Variants in FNBP4 observed in about 807,000 individuals in gnomAD.
The protein encoded by FNBP4 is formin-binding protein 4.
FNBP4 carries 34 observed loss-of-function variants against 119.3 expected under a neutral mutation model. That is an observed-to-expected ratio of 0.28 (90% CI 0.22 to 0.38). FNBP4 has a LOEUF of 0.38. Among genes scored for constraint, FNBP4 ranks in the 10% least tolerant of loss-of-function variants. The pLI is 1.00. For synonymous variants in FNBP4, 462 were observed against 430.6 expected (o/e 1.07, Z -0.90); for missense variants, 1,112 against 1,228.9 (o/e 0.90, Z 1.42).
At chr11:47,718,944 C>T (rs944372169) in intron 16 of FNBP4, among the ~76,000 whole-genome samples, 3 of 133,222 alleles carry the variant, frequency 2.3e-5, no homozygotes, top group Non-Finnish European at 4.6e-5. Context: ...CTTGCTCTGT[C>T]GTCCAGGCTG....
chr11:47,728,027 C>T (rs1281605807), intron 12 of FNBP4, among the ~76,000 whole-genome samples: 4 of 151,546 alleles, frequency 2.6e-5, no homozygotes, highest in Admixed American at 6.6e-5. Flanking sequence ...TACAGGCATG[C>T]GACCACGCCT....
chr11:47,764,818 G>A (rs1368281599), intron 2 of FNBP4, among the ~76,000 whole-genome samples: 1 of 152,156 alleles, frequency 6.6e-6, no homozygotes, highest in East Asian at 1.9e-4. Context: ...GTGAATGCCA[G>A]AGTGATGAAT....
intron 8 of FNBP4, 163 bp downstream of exon 8, chr11:47,743,790 T>G (rs2097585565): frequency 1.5e-6 from 1 of 649,008 alleles, no homozygotes; most frequent in South Asian, 2.0e-5. Flanking sequence ...TAGAAAAAGA[T>G]CTGGAAAAGG....
intron 7 of FNBP4, among the ~76,000 whole-genome samples, chr11:47,745,321 A>G (rs746609956): frequency 2.6e-5 from 4 of 152,166 alleles, no homozygotes; most frequent in African/African-American, 4.8e-5. Context: ...ATATCGCTAA[A>G]TTCTTTTCCT....
chr11:47,749,295 G>A (rs1349444421), intron 6 of FNBP4, among the ~76,000 whole-genome samples: 2 of 118,234 alleles, frequency 1.7e-5, no homozygotes, highest in Non-Finnish European at 3.5e-5. Flanking sequence ...AAAAAGGAAA[G>A]GTGCGGTGGC....
At position 47,722,873 on chromosome 11, in the gene FNBP4, A is replaced by C. The variant is rs1047783703; in HGVS notation, c.2805+103T>G. On this transcript the variant is annotated intron_variant, in intron 15 of 16. Coordinates refer to ENST00000263773, the MANE Select transcript of FNBP4 (RefSeq NM_015308.5). ...CCCAAAGTGCTGGGATTACAGGCTT[A>C]AGCCACAGTGCCCAGCCTGAAAATG... 10 of 1,316,132 alleles carry C rather than the reference A, an allele frequency of 7.6e-6. No individual in the cohort carries two copies. The Admixed American group carries it at 2.5e-4, about 33-fold the overall frequency. 81.5% of individuals were successfully genotyped at this position (1,316,132 alleles called of 1,614,324 possible).
At chr11:47,741,491 C>T (rs918720793) in intron 8 of FNBP4, among the ~76,000 whole-genome samples, 2 of 151,734 alleles carry the variant, frequency 1.3e-5, no homozygotes, top group Admixed American at 6.6e-5. Context: ...GGTATGTTCA[C>T]TTTGTCACTG....
chr11:47,721,792 T>C (rs1599156163), intron 15 of FNBP4, among the ~76,000 whole-genome samples: 1 of 151,870 alleles, frequency 6.6e-6, no homozygotes, highest in East Asian at 1.9e-4. Context: ...AATCAGGTCA[T>C]ATAAATTTCC....
chr11:47,756,754 C>T (rs1233142269), intron 2 of FNBP4, among the ~76,000 whole-genome samples: 1 of 149,098 alleles, frequency 6.7e-6, no homozygotes, highest in Non-Finnish European at 1.5e-5. Flanking sequence ...TCCAAATGTT[C>T]TCATTGTTCA....
At chr11:47,741,957 A>G (rs6485773) in intron 8 of FNBP4, among the ~76,000 whole-genome samples, 52,486 of 151,956 alleles carry the variant, frequency 0.35, 10,504 homozygotes, top group South Asian at 0.52. Context: ...TTAAATGTCC[A>G]TCAACAGTGG....
chr11:47,759,549 C>T (rs1199550027), intron 2 of FNBP4, among the ~76,000 whole-genome samples: 2 of 152,062 alleles, frequency 1.3e-5, no homozygotes, highest in East Asian at 1.9e-4. Flanking sequence ...ATGTATTCAG[C>T]TTTATAAGAG....
chr11:47,722,301 T>C (rs1318112388), intron 15 of FNBP4, among the ~76,000 whole-genome samples: 1 of 151,928 alleles, frequency 6.6e-6, no homozygotes, highest in Non-Finnish European at 1.5e-5. Context: ...CAGGCTGGAA[T>C]GCAGTGGTGC....
chr11:47,723,910 C>A, intron 14 of FNBP4, 118 bp downstream of exon 14: 9 of 809,118 alleles, frequency 1.1e-5, no homozygotes, highest in South Asian at 5.3e-5. Context: ...AAAATAAATG[C>A]ATACTGACAG....
At position 47,731,498 on chromosome 11, in the gene FNBP4, A is replaced by G; in HGVS notation, c.1884T>C (p.Asp628=). The change falls in exon 12 of 17, where the codon GAT becomes GAC. Residue 628 remains aspartate, a synonymous_variant. Transcript: ENST00000263773. The stretch of plus-strand genomic sequence containing the variant: ...GGCTTTCTTCTTCTTCCTCTTCACC[A>G]TCTGGAAACTCCCACTGAGACTCGC... ...QSGESQWEFP[D]GEEEEEESQA... is the part of the protein sequence containing the mutation. The G allele has an allele frequency of 6.2e-7, 1 of 1,613,818 alleles. No individual in the cohort carries two copies. The highest frequency in any genetic ancestry group is 1.1e-5 in the South Asian group (1 of 91,056).
intron 16 of FNBP4, among the ~76,000 whole-genome samples, chr11:47,717,727 T>A (rs2097551276): frequency 6.6e-6 from 1 of 152,186 alleles, no homozygotes; most frequent in Admixed American, 6.5e-5. Flanking sequence ...TTTACGTATA[T>A]GTCTAAGTGC....
Position 47,723,085 on chromosome 11 carries a change from G to A in FNBP4, c.2696C>T (p.Thr899Ile). ...QPVQARGAVP[T>I]ATIIEPPPPP... ...TGGTGGTGGTTCTATAATGGTAGCGGTAGGCACAGCACCTCGGGCCTGAAC... is the reference window on the plus strand; with the variant it reads ...TGGTGGTGGTTCTATAATGGTAGCGATAGGCACAGCACCTCGGGCCTGAAC... Residue 899 changes from threonine to isoleucine, a missense_variant, in exon 15 of 17, where the codon ACC becomes ATC. By Grantham distance (89) the Thr-to-Ile change is moderately conservative (BLOSUM62 -1). Around this residue, in one of 2 missense-constraint regions of FNBP4, gnomAD observed 826 missense variants for 988.8 expected, o/e 0.84. Transcript: ENST00000263773. 6.2e-7 allele frequency: 1 copy of A among 1,612,668 alleles called. No individual in the cohort carries two copies. Among genetic ancestry groups the A allele is most frequent in the East Asian group, 2.2e-5 (1 of 44,862 alleles).
intron 6 of FNBP4, among the ~76,000 whole-genome samples, chr11:47,747,100 CAAGTCACTGCAACCT>C (rs1220148121): frequency 3.3e-5 from 5 of 151,688 alleles, no homozygotes; most frequent in Non-Finnish European, 7.4e-5. Flanking sequence ...TGCGTGATCT[CAAGTCACTGCAACCT>C]CTGCCTCCCA....
chr11:47,723,985 G>T (rs1385917872), intron 14 of FNBP4, 43 bp downstream of exon 14: 1 of 1,566,654 alleles, frequency 6.4e-7, no homozygotes, highest in Non-Finnish European at 8.6e-7. Context: ...GAAAAGAAAA[G>T]AAACAATACA....
chr11:47,756,076 A>G (rs917652674), intron 2 of FNBP4, among the ~76,000 whole-genome samples: 1 of 152,178 alleles, frequency 6.6e-6, no homozygotes, highest in African/African-American at 2.4e-5. Flanking sequence ...GAAATTAAAA[A>G]CATGAAGTGA....
Sources: allele counts gnomAD v4.1 joint callset (sites outside exome capture counted in the v4.1 genomes callset), GRCh38; gene constraint gnomAD v4.1.1; regional missense constraint gnomAD v4.1.1; transcripts MANE v1.5; gene names NCBI Gene and HGNC (gene_info 2026-07-23, HGNC 2026-07-21).